Variants in DLGAP2 observed in about 807,000 individuals in gnomAD.
DLGAP2 encodes the protein DLG associated protein 2.
Under a neutral mutation model 100.3 loss-of-function variants are expected in DLGAP2, and 26 were observed. The ratio of observed to expected loss-of-function variants is 0.26; its 90% CI spans 0.19 to 0.36. The LOEUF (loss-of-function observed/expected upper bound fraction) is 0.36. DLGAP2 is among the 10% of genes least tolerant of loss of function. DLGAP2 has a pLI of 1.00. For missense variants in DLGAP2, 1,858 were observed against 1,453.2 expected, an observed-to-expected ratio of 1.28 and a Z score of -4.53; for synonymous variants, 886 against 630.1, an observed-to-expected ratio of 1.41 and a Z score of -6.08.
At chr8:1,269,631 G>A (rs1312621664) in intron 3 of DLGAP2, among the ~76,000 whole-genome samples, 1 of 152,138 alleles carries the variant, frequency 6.6e-6, no homozygotes, top group Non-Finnish European at 1.5e-5. Flanking sequence ...GGAGTGAAAT[G>A]TCTGCAGCAC....
chr8:1,540,798 A>G (rs1801337206), intron 4 of DLGAP2, among the ~76,000 whole-genome samples: 1 of 152,220 alleles, frequency 6.6e-6, no homozygotes, highest in Non-Finnish European at 1.5e-5. Context: ...CCATACAACC[A>G]TTTCTGGATA....
intron 2 of DLGAP2, among the ~76,000 whole-genome samples, chr8:1,038,252 G>C (rs1802192272): frequency 6.6e-6 from 1 of 152,222 alleles, no homozygotes; most frequent in Non-Finnish European, 1.5e-5. Flanking sequence ...GGTTGGAAGA[G>C]TTACAGCTTT....
chr8:1,192,793 G>C (rs1487192861), intron 2 of DLGAP2, among the ~76,000 whole-genome samples: 5 of 151,614 alleles, frequency 3.3e-5, no homozygotes, highest in Non-Finnish European at 7.4e-5. Context: ...TTTAACATTA[G>C]GTATATCTCC....
chr8:1,351,805 C>T (rs1254651645), intron 3 of DLGAP2, among the ~76,000 whole-genome samples: 2 of 67,830 alleles, frequency 2.9e-5, no homozygotes, highest in African/African-American at 5.1e-5. Flanking sequence ...AAAGGACGTG[C>T]GCGTCCTGCG....
intron 12 of DLGAP2, among the ~76,000 whole-genome samples, chr8:1,683,938 G>GTA (rs1260015924): frequency 3.1e-4 from 25 of 80,660 alleles, no homozygotes; most frequent in Non-Finnish European, 3.8e-4. Context: ...GTATATATGT[G>GTA]TATATATATA....
chr8:1,419,895 T>C (rs181842158), intron 3 of DLGAP2, among the ~76,000 whole-genome samples: 1 of 152,192 alleles, frequency 6.6e-6, no homozygotes, highest in African/African-American at 2.4e-5. Flanking sequence ...CCATTCACAA[T>C]AGCCAGGAGA....
intron 12 of DLGAP2, among the ~76,000 whole-genome samples, chr8:1,681,831 A>G (rs1798954954): frequency 6.6e-6 from 1 of 151,862 alleles, no homozygotes; most frequent in Non-Finnish European, 1.5e-5. Context: ...AAATCACAGA[A>G]TAGTAGCGGT....
chr8:1,487,988 T>C (rs1167382217), intron 3 of DLGAP2, among the ~76,000 whole-genome samples: 1 of 152,018 alleles, frequency 6.6e-6, no homozygotes, highest in Non-Finnish European at 1.5e-5. Flanking sequence ...GTGGAAATCA[T>C]TGTTGAAATG....
intron 4 of DLGAP2, among the ~76,000 whole-genome samples, chr8:1,512,457 G>C (rs961436177): frequency 2.6e-5 from 4 of 152,116 alleles, no homozygotes; most frequent in African/African-American, 7.2e-5. Context: ...TGGCAGTTCC[G>C]CACTGACCTC....
At chr8:867,107 G>A (rs1045003063) in intron 1 of DLGAP2, among the ~76,000 whole-genome samples, 1 of 152,196 alleles carries the variant, frequency 6.6e-6, no homozygotes, top group South Asian at 2.1e-4. Flanking sequence ...GCCGCCTACC[G>A]GCCGTCACCG....
At chr8:1,278,659 T>A (rs1329444130) in intron 3 of DLGAP2, among the ~76,000 whole-genome samples, 3 of 152,220 alleles carry the variant, frequency 2.0e-5, no homozygotes, top group Non-Finnish European at 4.4e-5. Context: ...CCTTCTTCTC[T>A]ACCTTACCTA....
At chr8:1,483,996 G>C (rs1298173964) in intron 3 of DLGAP2, among the ~76,000 whole-genome samples, 1 of 152,254 alleles carries the variant, frequency 6.6e-6, no homozygotes, top group Non-Finnish European at 1.5e-5. Flanking sequence ...TATGGAAACT[G>C]GGATGTTTTG....
intron 4 of DLGAP2, among the ~76,000 whole-genome samples, chr8:1,547,162 G>A (rs986552412): frequency 2.0e-5 from 3 of 152,160 alleles, no homozygotes; most frequent in Non-Finnish European, 2.9e-5. Flanking sequence ...AGGGACGTGC[G>A]GACCGTGGGG....
chr8:1,647,918 G>C (rs1378725751), intron 8 of DLGAP2, among the ~76,000 whole-genome samples: 3 of 152,126 alleles, frequency 2.0e-5, no homozygotes, highest in Non-Finnish European at 2.9e-5. Context: ...AAAAGCGTAA[G>C]GAAGTTCCCT....
At chr8:1,631,644 A>G (rs905072147) in intron 7 of DLGAP2, among the ~76,000 whole-genome samples, 13 of 152,006 alleles carry the variant, frequency 8.6e-5, no homozygotes, top group African/African-American at 2.9e-4. Flanking sequence ...CATTGTGCCA[A>G]CTCTTTCTGC....
chr8:778,998 G>C (rs1023068271), intron 1 of DLGAP2, among the ~76,000 whole-genome samples: 4 of 152,248 alleles, frequency 2.6e-5, no homozygotes, highest in South Asian at 2.1e-4. Flanking sequence ...GCGAGACTCC[G>C]TGGGGTAGGA....
At chr8:793,959 G>A (rs890370223) in intron 1 of DLGAP2, among the ~76,000 whole-genome samples, 2 of 152,108 alleles carry the variant, frequency 1.3e-5, no homozygotes, top group African/African-American at 4.8e-5. Flanking sequence ...ACGACTCCAG[G>A]CATCTGCTTG....
intron 6 of DLGAP2, among the ~76,000 whole-genome samples, chr8:1,596,382 A>T (rs1216674954): frequency 6.6e-6 from 1 of 152,232 alleles, no homozygotes; most frequent in African/African-American, 2.4e-5. Flanking sequence ...CTTTGGGTAT[A>T]TACCCAGTAA....
At chr8:1,222,555 A>G (rs13255577) in intron 2 of DLGAP2, among the ~76,000 whole-genome samples, 44,606 of 151,732 alleles carry the variant, frequency 0.29, 7,046 homozygotes, top group East Asian at 0.66. Context: ...GTAAGTGCAC[A>G]TGCATGTATG....
Sources: allele counts gnomAD v4.1 joint callset (sites outside exome capture counted in the v4.1 genomes callset), GRCh38; gene constraint gnomAD v4.1.1; transcripts MANE v1.5; gene names NCBI Gene and HGNC (gene_info 2026-07-23, HGNC 2026-07-21).